Variants in SLC8A1 observed in about 807,000 individuals in gnomAD.
SLC8A1 encodes the protein sodium/calcium exchanger 1.
Under a neutral mutation model 68.3 loss-of-function variants are expected in SLC8A1, and 18 were observed. The observed-to-expected ratio is 0.26, with a 90% CI of 0.18 to 0.39. SLC8A1 has a LOEUF of 0.39. Among genes scored for constraint, SLC8A1 ranks in the 10% least tolerant of loss-of-function variants. The pLI, the probability that SLC8A1 is intolerant of heterozygous loss-of-function variation, is 1.00. For missense variants in SLC8A1, 985 were observed against 1,156.7 expected (o/e 0.85, Z 2.15); for synonymous variants, 475 against 415.5 (o/e 1.14, Z -1.74).
chr2:40,385,243 G>C (rs1195375570), intron 2 of SLC8A1, among the ~76,000 whole-genome samples: 1 of 151,960 alleles, frequency 6.6e-6, no homozygotes, highest in African/African-American at 2.4e-5. Context: ...GTCTCGAGGA[G>C]GAAACTCCTT....
At chr2:40,134,328 G>A (rs991111009) in intron 7 of SLC8A1, among the ~76,000 whole-genome samples, 3 of 152,130 alleles carry the variant, frequency 2.0e-5, no homozygotes, top group Non-Finnish European at 2.9e-5. Flanking sequence ...CTGACCTCAA[G>A]TGATCTGCCT....
chr2:40,098,847 A>C (rs982368633), exon 8 of SLC8A1: 1 of 152,062 alleles, frequency 6.6e-6, no homozygotes, highest in Non-Finnish European at 1.5e-5. Context: ...AATCACATTC[A>C]TAATAAAAGA....
intron 2 of SLC8A1, among the ~76,000 whole-genome samples, chr2:40,185,806 T>C (rs978206392): frequency 6.6e-6 from 1 of 152,222 alleles, no homozygotes; most frequent in African/African-American, 2.4e-5. Context: ...TTAGGCTAAA[T>C]TCTAGTCTTT....
intron 2 of SLC8A1, among the ~76,000 whole-genome samples, chr2:40,309,107 T>C (rs1361519681): frequency 1.3e-5 from 2 of 152,192 alleles, no homozygotes; most frequent in Admixed American, 6.5e-5. Context: ...CCTGTTTTGT[T>C]ATTGTTGATG....
chr2:40,193,510 G>T (rs1006972247), intron 2 of SLC8A1, among the ~76,000 whole-genome samples: 2 of 152,112 alleles, frequency 1.3e-5, no homozygotes, highest in Admixed American at 1.3e-4. Flanking sequence ...ACTTGGAAAG[G>T]CATGGCATGT....
At chr2:40,203,788 C>A (rs922306186) in intron 2 of SLC8A1, among the ~76,000 whole-genome samples, 3 of 151,960 alleles carry the variant, frequency 2.0e-5, no homozygotes, top group African/African-American at 7.2e-5. Flanking sequence ...TCACTGCAGC[C>A]TCAACCTTCT....
At chr2:40,381,801 G>A (rs1440878786) in intron 2 of SLC8A1, among the ~76,000 whole-genome samples, 3 of 150,668 alleles carry the variant, frequency 2.0e-5, no homozygotes, top group Admixed American at 1.3e-4. Flanking sequence ...ATCACCATCT[G>A]GACAAAGAGA....
At chr2:40,382,748 A>G (rs1369281054) in intron 2 of SLC8A1, among the ~76,000 whole-genome samples, 1 of 152,122 alleles carries the variant, frequency 6.6e-6, no homozygotes, top group African/African-American at 2.4e-5. Context: ...CTTAAAGAAA[A>G]GCTTTAATTG....
intron 2 of SLC8A1, among the ~76,000 whole-genome samples, chr2:40,294,694 T>G (rs2070003378): frequency 1.3e-5 from 2 of 152,212 alleles, no homozygotes; most frequent in Non-Finnish European, 1.5e-5. Context: ...ATCTCAATCA[T>G]TTTAATTTTA....
At chr2:40,343,416 T>A (rs1668313449) in intron 2 of SLC8A1, among the ~76,000 whole-genome samples, 1 of 152,186 alleles carries the variant, frequency 6.6e-6, no homozygotes, top group African/African-American at 2.4e-5. Flanking sequence ...AAGAAGTCAC[T>A]TGGAATTCTA....
chr2:40,494,722 C>A (rs1705578867), intron 1 of SLC8A1, among the ~76,000 whole-genome samples: 3 of 122,806 alleles, frequency 2.4e-5, no homozygotes, highest in African/African-American at 1.0e-4. Flanking sequence ...TCCATTTTTT[C>A]TTTTGCTCAT....
At chr2:40,379,563 G>C (rs1385146258) in intron 2 of SLC8A1, among the ~76,000 whole-genome samples, 1 of 151,776 alleles carries the variant, frequency 6.6e-6, no homozygotes, top group Non-Finnish European at 1.5e-5. Flanking sequence ...CCCCTTGCCT[G>C]TCCTTAGCTT....
chr2:40,447,473 G>A (rs1701652492), intron 1 of SLC8A1, among the ~76,000 whole-genome samples: 1 of 151,752 alleles, frequency 6.6e-6, no homozygotes, highest in African/African-American at 2.4e-5. Flanking sequence ...ATGGCCCTGA[G>A]TGCACTAACT....
At chr2:40,276,673 T>C (rs982765865) in intron 2 of SLC8A1, among the ~76,000 whole-genome samples, 4 of 152,214 alleles carry the variant, frequency 2.6e-5, no homozygotes, top group African/African-American at 9.6e-5. Flanking sequence ...CCTTGACTTA[T>C]TTGGTGTGTT....
At chr2:40,439,587 A>G (rs138645037) in intron 1 of SLC8A1, among the ~76,000 whole-genome samples, 3 of 152,028 alleles carry the variant, frequency 2.0e-5, no homozygotes, top group Admixed American at 6.6e-5. Context: ...TTTCTTTTTT[A>G]TTTTTTAATC....
chr2:40,370,486 T>C (rs1006401912), intron 2 of SLC8A1, among the ~76,000 whole-genome samples: 2 of 152,112 alleles, frequency 1.3e-5, no homozygotes, highest in African/African-American at 4.8e-5. Flanking sequence ...GTGACTTTGC[T>C]TTTTCTCATG....
At chr2:40,134,924 A>T (rs116267902) in intron 7 of SLC8A1, among the ~76,000 whole-genome samples, 1,597 of 152,362 alleles carry the variant, frequency 0.01, 22 homozygotes, top group African/African-American at 0.036. Context: ...AAATAGAGTG[A>T]AATAATACAT....
chr2:40,261,640 G>C (rs1370533371), intron 2 of SLC8A1, among the ~76,000 whole-genome samples: 2 of 152,176 alleles, frequency 1.3e-5, no homozygotes, highest in African/African-American at 4.8e-5. Flanking sequence ...AGTGGAGAAA[G>C]AGCCCATGCT....
chr2:40,185,434 T>C (rs759287349), intron 2 of SLC8A1, among the ~76,000 whole-genome samples: 2 of 152,196 alleles, frequency 1.3e-5, no homozygotes, highest in Non-Finnish European at 2.9e-5. Context: ...TAGTGATACA[T>C]GCTACAACAT....
Sources: allele counts gnomAD v4.1 joint callset (sites outside exome capture counted in the v4.1 genomes callset), GRCh38; gene constraint gnomAD v4.1.1; transcripts MANE v1.5; gene names NCBI Gene and HGNC (gene_info 2026-07-23, HGNC 2026-07-21).